MTRR: variants seen among roughly 807,000 people sequenced by gnomAD.
MTRR encodes the protein methionine synthase reductase.
Under a neutral mutation model 79.2 loss-of-function variants are expected in MTRR, and 63 were observed. That is an observed-to-expected ratio of 0.80 (90% CI 0.65 to 0.98). MTRR has a LOEUF of 0.98. Among genes scored for constraint, MTRR ranks in the 50% least tolerant of loss-of-function variants. The pLI is 0.00. For missense variants in MTRR, 895 were observed against 839.6 expected, an observed-to-expected ratio of 1.07 and a Z score of -0.82; for synonymous variants, 355 against 313.3, an observed-to-expected ratio of 1.13 and a Z score of -1.41.
At chr5:7,853,998 C>T (rs1407179561) in intron 1 of MTRR, among the ~76,000 whole-genome samples, 1 of 152,114 alleles carries the variant, frequency 6.6e-6, no homozygotes, top group East Asian at 1.9e-4. Flanking sequence ...ACAGATGAAA[C>T]CATGGGCAAG....
chr5:7,880,076 C>T (rs756360855), intron 5 of MTRR, among the ~76,000 whole-genome samples: 4 of 152,212 alleles, frequency 2.6e-5, no homozygotes, highest in South Asian at 2.1e-4. Context: ...GATGTCCTGA[C>T]GTGCACCAAA....
intron 1 of MTRR, among the ~76,000 whole-genome samples, chr5:7,854,703 A>G (rs377075157): frequency 1.0e-3 from 155 of 152,272 alleles, no homozygotes; most frequent in African/African-American, 3.4e-3. Context: ...CTCTCCCACA[A>G]CACATGAGAA....
upstream of MTRR, chr5:7,866,015 G>A (rs199632455): frequency 9.0e-4 from 1,368 of 1,517,308 alleles, 11 homozygotes; most frequent in African/African-American, 0.015. Flanking sequence ...TCATAGTTAC[G>A]TCTGAATTGA....
intron 7 of MTRR, 93 bp downstream of exon 7, chr5:7,885,947 T>C (rs1235853310): frequency 6.5e-7 from 1 of 1,537,928 alleles, no homozygotes; most frequent in Non-Finnish European, 9.0e-7. Context: ...GGGTCCTGTG[T>C]GTTGGCCGCA....
intron 1 of MTRR, among the ~76,000 whole-genome samples, chr5:7,860,866 A>G (rs960847709): frequency 1.3e-5 from 2 of 152,218 alleles, no homozygotes; most frequent in African/African-American, 2.4e-5. Flanking sequence ...TAATAATTAT[A>G]TAACTAGGAA....
At chr5:7,878,448 G>A in intron 5 of MTRR, 126 bp downstream of exon 5, 1 of 1,231,376 alleles carries the variant, frequency 8.1e-7, no homozygotes, top group Non-Finnish European at 1.2e-6. Flanking sequence ...ATGTGGCCCA[G>A]AGCCTTTCTT....
At chr5:7,854,716 A>T (rs534122332) in intron 1 of MTRR, among the ~76,000 whole-genome samples, 1 of 152,308 alleles carries the variant, frequency 6.6e-6, no homozygotes, top group African/African-American at 2.4e-5. Context: ...CATGAGAATT[A>T]TGGAGATTTG....
chr5:7,866,751 G>A, upstream of MTRR: 1 of 1,614,072 alleles, frequency 6.2e-7, no homozygotes, highest in Non-Finnish European at 8.5e-7. Context: ...AATGATTTGG[G>A]TGGAAAATAA....
rs374659219 is a variant in MTRR at position 7,897,227 on chromosome 5, C to A, written c.1932C>A (p.Asn644Lys). 9 of 1,613,796 alleles carry A rather than the reference C, an allele frequency of 5.6e-6. No individual in the cohort carries two copies. In the African/African-American group the frequency reaches 9.4e-5, roughly 17 times the overall value. Residue 644 changes from asparagine to lysine, a missense_variant, in exon 14 of 15, where the codon AAC (asparagine) becomes AAA (lysine). Asn to Lys is a moderately conservative substitution (Grantham distance 94, BLOSUM62 0). Transcript: ENST00000440940. ...TGGCGAGAATCCTCCTCCAGGAGAA[C>A]GGCCATATTTATGTGTGTGGGTGAG... Reference protein sequence around the residue: ...QQVARILLQENGHIYVCGDAK... With the variant: ...QQVARILLQEKGHIYVCGDAK...
intron 11 of MTRR, 49 bp from the exon 12 acceptor site, chr5:7,895,685 C>G: frequency 6.2e-7 from 1 of 1,608,372 alleles, no homozygotes; most frequent in Non-Finnish European, 8.5e-7. Context: ...ATTATATACT[C>G]TTGCCTAGGT....
At chr5:7,853,593 C>T (rs1746139710) in intron 1 of MTRR, among the ~76,000 whole-genome samples, 1 of 152,146 alleles carries the variant, frequency 6.6e-6, no homozygotes, top group Admixed American at 6.5e-5. Context: ...AGGAGAGACA[C>T]CAAGGATGCA....
chr5:7,850,967 G>T, upstream of MTRR: 1 of 1,319,282 alleles, frequency 7.6e-7, no homozygotes, highest in East Asian at 2.9e-5. Context: ...ACGGGCGGCG[G>T]CCTGGGCTTG....
intron 1 of MTRR, chr5:7,856,811 C>G (rs571393851): frequency 1.3e-5 from 2 of 151,442 alleles, no homozygotes; most frequent in African/African-American, 4.9e-5. Flanking sequence ...TTCCGTTTTC[C>G]CAGAATTCTA....
chr5:7,873,628 C>CT lies in MTRR; in HGVS notation c.283+105dup, dbSNP rs1748388119. The CT allele has an allele frequency of 9.6e-6, 13 of 1,350,428 alleles. No individual in the cohort carries two copies. In the South Asian group the frequency reaches 1.6e-4, roughly 16 times the overall value. The allele number at this position is 1,350,428 out of a possible 1,614,324, so 83.7% of individuals were successfully genotyped here. A position where few individuals can be genotyped will look rare whatever the true frequency, so the allele number is the denominator to read the frequency against. On this transcript the variant is annotated intron_variant, in intron 3 of 14. Coordinates refer to ENST00000440940, the MANE Select transcript of MTRR (RefSeq NM_002454.3). ...TGAAGTGTGATCATATAGGTTTTGTCTTTCTTATGTAAATATTATGTATAT... is the reference window on the plus strand; with the variant it reads ...TGAAGTGTGATCATATAGGTTTTGTCTTTTCTTATGTAAATATTATGTATAT...
At chr5:7,898,567 A>C (rs1738929892) in intron 14 of MTRR, among the ~76,000 whole-genome samples, 1 of 152,342 alleles carries the variant, frequency 6.6e-6, no homozygotes, top group East Asian at 1.9e-4. Flanking sequence ...AGGAACAGCC[A>C]CTGAAGAAGC....
At chr5:7,850,893 G>A, upstream of MTRR, 1 of 1,347,164 alleles carries the variant, frequency 7.4e-7, no homozygotes, top group Non-Finnish European at 9.6e-7. Flanking sequence ...GGCGGTAGTA[G>A]TAGCTGTGCT....
At chr5:7,856,465 C>T (rs576115814) in intron 1 of MTRR, among the ~76,000 whole-genome samples, 4 of 152,234 alleles carry the variant, frequency 2.6e-5, no homozygotes, top group Non-Finnish European at 4.4e-5. Context: ...CCCTTCACCG[C>T]GAGCTGTACG....
At chr5:7,869,275 T>A in intron 1 of MTRR, 60 bp downstream of exon 1, 41 of 1,580,986 alleles carry the variant, frequency 2.6e-5, no homozygotes, top group Non-Finnish European at 3.3e-5. Flanking sequence ...ACTAATCTCC[T>A]GGGAGAGGCG....
At chr5:7,890,674 C>G (rs1449104990) in intron 9 of MTRR, among the ~76,000 whole-genome samples, 1 of 152,048 alleles carries the variant, frequency 6.6e-6, no homozygotes, top group Non-Finnish European at 1.5e-5. Flanking sequence ...AAACTCTACG[C>G]CATTATACAT....
Sources: gnomAD v4.1 joint callset for allele counts (sites outside exome capture counted in the v4.1 genomes callset) on GRCh38, gnomAD v4.1.1 for gene constraint, MANE v1.5 for transcripts, NCBI Gene and HGNC (gene_info 2026-07-23, HGNC 2026-07-21) for gene names.